LIN28B: variants seen among roughly 807,000 people sequenced by gnomAD.
LIN28B encodes the protein lin-28 RNA binding posttranscriptional regulator B, also known as protein lin-28 homolog B.
A neutral mutation model predicts 21.9 loss-of-function variants in LIN28B; 5 were observed. The ratio of observed to expected loss-of-function variants is 0.23; its 90% CI spans 0.12 to 0.48. The LOEUF (loss-of-function observed/expected upper bound fraction) is 0.48. LIN28B is among the 20% of genes least tolerant of loss of function. The pLI is 0.98. For synonymous variants in LIN28B, 109 were observed against 111.3 expected (o/e 0.98, Z 0.13); for missense variants, 245 against 310.5 (o/e 0.79, Z 1.58).
At chr6:104,976,393 A>C (rs1249072560) in intron 2 of LIN28B, among the ~76,000 whole-genome samples, 1 of 152,202 alleles carries the variant, frequency 6.6e-6, no homozygotes, top group Admixed American at 6.5e-5. Context: ...ATAAACAAGG[A>C]AAAGAGCATT....
At chr6:105,055,522 A>G (rs1253924525) in intron 3 of LIN28B, among the ~76,000 whole-genome samples, 55 of 152,226 alleles carry the variant, frequency 3.6e-4, no homozygotes, top group Non-Finnish European at 5.9e-5. Context: ...TTCAAAGCAC[A>G]GCAGCAGGCT....
At chr6:104,975,868 G>C (rs1280882545) in intron 2 of LIN28B, among the ~76,000 whole-genome samples, 5 of 149,374 alleles carry the variant, frequency 3.3e-5, no homozygotes, top group African/African-American at 1.2e-4. Context: ...GTAGAGTTGG[G>C]GTTTCACCAC....
chr6:104,980,598 T>C (rs1344937780), intron 2 of LIN28B, among the ~76,000 whole-genome samples: 1 of 152,180 alleles, frequency 6.6e-6, no homozygotes, highest in Non-Finnish European at 1.5e-5. Context: ...GTTACAGATA[T>C]TTAAAACTGA....
At chr6:104,940,108 A>C (rs1198792603) in intron 2 of LIN28B, 1 of 165,776 alleles carries the variant, frequency 6.0e-6, no homozygotes, top group Non-Finnish European at 1.5e-5. Context: ...AACAGCTGAC[A>C]GTAGGTTCCC....
At position 105,008,600 on chromosome 6, in the gene LIN28B, T is replaced by C. The variant is rs185204629; in HGVS notation, c.199-17698T>C. Among the ~76,000 whole-genome samples the C allele has an allele frequency of 7.2e-3, 1,085 of 149,930 alleles. 10 individuals are homozygous for C. Among genetic ancestry groups the C allele is most frequent in the African/African-American group, 0.025 (1,003 of 40,578 alleles). ...TGGAGTTTGCAGTGAGCCGAGATTG[T>C]GCCACTGCACTCCAGCCTGGGCGAC... On this transcript the variant is annotated intron_variant, in intron 2 of 3. Transcript: ENST00000345080.
At chr6:104,962,788 T>G (rs1000772548) in intron 2 of LIN28B, among the ~76,000 whole-genome samples, 2 of 152,202 alleles carry the variant, frequency 1.3e-5, no homozygotes, top group African/African-American at 2.4e-5. Context: ...AAATCATTTT[T>G]CACATGAAGA....
At chr6:104,953,964 T>C (rs138866958), upstream of LIN28B, among the ~76,000 whole-genome samples, 1 of 152,168 alleles carries the variant, frequency 6.6e-6, no homozygotes, top group Admixed American at 6.5e-5. Flanking sequence ...CTTGTACTGT[T>C]GGAAAAAAAG....
chr6:105,036,312 A>C (rs1018166149), intron 3 of LIN28B, among the ~76,000 whole-genome samples: 1 of 152,174 alleles, frequency 6.6e-6, no homozygotes, highest in African/African-American at 2.4e-5. Context: ...ATTGCATCCA[A>C]ATTTTCAGTC....
chr6:105,069,996 C>T (rs986108725), intron 3 of LIN28B, among the ~76,000 whole-genome samples: 2 of 152,082 alleles, frequency 1.3e-5, no homozygotes, highest in Admixed American at 6.6e-5. Context: ...TCCCTCCTTC[C>T]ACCCCTCCCC....
intron 2 of LIN28B, among the ~76,000 whole-genome samples, chr6:105,011,877 C>T (rs528203662): frequency 2.0e-5 from 3 of 150,348 alleles, no homozygotes; most frequent in Non-Finnish European, 4.4e-5. Flanking sequence ...AATAAACTGC[C>T]GGCCAGGTGT....
At chr6:104,973,427 C>T (rs1240866390) in intron 2 of LIN28B, among the ~76,000 whole-genome samples, 3 of 152,026 alleles carry the variant, frequency 2.0e-5, no homozygotes, top group African/African-American at 7.2e-5. Flanking sequence ...TATGCTGTCC[C>T]CAAATTATTC....
chr6:104,960,846 A>G (rs1043661462), intron 2 of LIN28B, among the ~76,000 whole-genome samples: 1 of 152,152 alleles, frequency 6.6e-6, no homozygotes, highest in African/African-American at 2.4e-5. Context: ...ATTTGTAGTT[A>G]TGTATATTTA....
chr6:105,027,698 A>G (rs1771316529), intron 3 of LIN28B, among the ~76,000 whole-genome samples: 1 of 152,072 alleles, frequency 6.6e-6, no homozygotes, highest in African/African-American at 2.4e-5. Flanking sequence ...TTTCCAAACT[A>G]CAAAATTAAA....
In LIN28B at chr6:104,958,185, C is replaced by T. The variant is rs1769618213; in HGVS notation, c.97C>T (p.His33Tyr). The T allele has an allele frequency of 4.4e-6, 7 of 1,608,960 alleles. No homozygotes were observed. The highest frequency in any genetic ancestry group is 6.0e-6 in the Non-Finnish European group (7 of 1,176,030). Residue 33 changes from histidine to tyrosine, a missense_variant, in exon 2 of 4, where the codon CAC becomes TAC. His to Tyr is a moderately conservative substitution (Grantham distance 83). Transcript: ENST00000345080. ...ATCCCAGGTTTTGCGCGGAACTGGC[C>T]ACTGTAAGTGGTTCAATGTGCGCAT... ...EESQVLRGTG[H>Y]CKWFNVRMGF... is the part of the protein sequence containing the mutation.
At chr6:104,942,965 G>C (rs182301521) in intron 2 of LIN28B, among the ~76,000 whole-genome samples, 2 of 151,946 alleles carry the variant, frequency 1.3e-5, no homozygotes, top group Non-Finnish European at 2.9e-5. Flanking sequence ...TTGTCAGACT[G>C]TATGGTGTCT....
chr6:104,977,437 G>A (rs563948968), intron 2 of LIN28B, among the ~76,000 whole-genome samples: 54 of 152,062 alleles, frequency 3.6e-4, no homozygotes, highest in Non-Finnish European at 6.9e-4. Context: ...TAAATAATGG[G>A]TCATTTATCA....
At chr6:105,048,807 G>A (rs1050089852) in intron 3 of LIN28B, among the ~76,000 whole-genome samples, 1 of 152,162 alleles carries the variant, frequency 6.6e-6, no homozygotes, top group South Asian at 2.1e-4. Flanking sequence ...TTTGCAAAGA[G>A]GTGTTTATAG....
At chr6:104,962,946 A>T (rs1375274968) in intron 2 of LIN28B, among the ~76,000 whole-genome samples, 1 of 152,200 alleles carries the variant, frequency 6.6e-6, no homozygotes, top group East Asian at 1.9e-4. Context: ...TTTATAACCT[A>T]CCAGATTTTT....
At chr6:104,993,149 T>A (rs368975688) in intron 2 of LIN28B, among the ~76,000 whole-genome samples, 2 of 152,188 alleles carry the variant, frequency 1.3e-5, no homozygotes, top group African/African-American at 4.8e-5. Flanking sequence ...CCTGAAGTTA[T>A]GTGTTTATAT....
Sources: allele counts gnomAD v4.1 joint callset (sites outside exome capture counted in the v4.1 genomes callset), GRCh38; gene constraint gnomAD v4.1.1; transcripts MANE v1.5; gene names NCBI Gene and HGNC (gene_info 2026-07-23, HGNC 2026-07-21).